The following SLC28A1 variants were observed in gnomAD, a reference collection of about 807,000 sequenced individuals.
SLC28A1 encodes the protein sodium/nucleoside cotransporter 1.
A neutral mutation model predicts 74.8 loss-of-function variants in SLC28A1; 64 were observed. The ratio of observed to expected loss-of-function variants is 0.86; its 90% CI spans 0.70 to 1.05. The LOEUF (loss-of-function observed/expected upper bound fraction) is 1.05, where lower values mean the gene tolerates loss of function less well. SLC28A1 is among the 50% of genes least tolerant of loss of function. The pLI, the probability that SLC28A1 is intolerant of heterozygous loss-of-function variation, is 0.00. For missense variants in SLC28A1, 828 were observed against 822.8 expected, an observed-to-expected ratio of 1.01 and a Z score of -0.08; for synonymous variants, 359 against 335.0, an observed-to-expected ratio of 1.07 and a Z score of -0.78.
chr15:84,908,841 A>C, intron 9 of SLC28A1, 46 bp downstream of exon 9: 1 of 1,495,170 alleles, frequency 6.7e-7, no homozygotes, highest in Non-Finnish European at 9.3e-7. Flanking sequence ...GCCACCGCCC[A>C]GCGACTCCAG....
In SLC28A1 at chr15:84,945,437, G is replaced by A; in HGVS notation, c.*237G>A. The A allele has an allele frequency of 1.8e-6, 1 of 542,644 alleles. No homozygotes were observed. The highest frequency in any genetic ancestry group is 3.4e-6 in the Non-Finnish European group (1 of 298,410). The allele number at this position is 542,644 out of a possible 1,614,324, so 33.6% of individuals were successfully genotyped here. On this transcript the variant is annotated 3_prime_UTR_variant, in exon 19 of 19. Transcript: ENST00000394573. ...GCTCCCCCATTTCCTAACTCCCCCA[G>A]TGTGAATTCTCAGGGTCACTTCTGC...
intron 9 of SLC28A1, 109 bp from the exon 10 acceptor site, chr15:84,918,415 G>A (rs780110777): frequency 4.4e-5 from 36 of 814,400 alleles, no homozygotes; most frequent in Non-Finnish European, 7.2e-5. Flanking sequence ...AGGCATCTGA[G>A]TGGCAAGGCC....
At chr15:84,912,806 G>GCACACACA (rs199525878) in intron 9 of SLC28A1, among the ~76,000 whole-genome samples, 2,626 of 112,184 alleles carry the variant, frequency 0.023, 38 homozygotes, top group African/African-American at 0.03. Flanking sequence ...TTGCGCGCGC[G>GCACACACA]CACACACACA....
chr15:84,928,518 G>GTTTTGTTC (rs749290216), intron 12 of SLC28A1, among the ~76,000 whole-genome samples: 4 of 34,064 alleles, frequency 1.2e-4, no homozygotes, highest in Admixed American at 6.3e-4. Flanking sequence ...CAAGCTCCCA[G>GTTTTGTTC]GTTCGTTCGT....
intron 5 of SLC28A1, among the ~76,000 whole-genome samples, 192 bp from the exon 6 acceptor site, chr15:84,894,748 C>A (rs1545471): frequency 0.35 from 53,052 of 152,116 alleles, 10,382 homozygotes; most frequent in East Asian, 0.7. Context: ...CTGCCAGTAC[C>A]TCCTAACTAC....
At chr15:84,918,221 G>T (rs1031717002) in intron 9 of SLC28A1, among the ~76,000 whole-genome samples, 1 of 152,158 alleles carries the variant, frequency 6.6e-6, no homozygotes, top group Non-Finnish European at 1.5e-5. Context: ...GGAGATAAAA[G>T]TGGTACACTC....
chr15:84,885,674 T>C (rs148101981), intron 1 of SLC28A1, among the ~76,000 whole-genome samples: 385 of 140,942 alleles, frequency 2.7e-3, no homozygotes, highest in Non-Finnish European at 4.1e-3. Flanking sequence ...GAGGTTGCAG[T>C]GAACCGAGCT....
At chr15:84,912,744 C>T (rs1329554123) in intron 9 of SLC28A1, among the ~76,000 whole-genome samples, 4 of 151,196 alleles carry the variant, frequency 2.6e-5, no homozygotes, top group South Asian at 2.1e-4. Context: ...CTGAGAGTTT[C>T]GGGATGTCTG....
chr15:84,958,724 T>TA, the SLC28A1 span, among the ~76,000 whole-genome samples: 1 of 152,134 alleles, frequency 6.6e-6, no homozygotes, highest in Non-Finnish European at 1.5e-5. Flanking sequence ...TGGTTAATTT[T>TA]AAAATTTCTT....
chr15:84,931,884 C>G (rs1313385779), intron 12 of SLC28A1, among the ~76,000 whole-genome samples: 1 of 151,808 alleles, frequency 6.6e-6, no homozygotes, highest in Non-Finnish European at 1.5e-5. Context: ...CACCTGTAAC[C>G]CCAGCTACTC....
chr15:84,895,859 A>C, intron 6 of SLC28A1: 2 of 1,071,070 alleles, frequency 1.9e-6, no homozygotes, highest in Non-Finnish European at 2.3e-6. Context: ...AAAGATACCC[A>C]AAGACTAAGT....
intron 6 of SLC28A1, chr15:84,895,490 T>G (rs374753108): frequency 6.2e-7 from 1 of 1,601,136 alleles, no homozygotes. Flanking sequence ...TTCAGCAGGC[T>G]CGATCGGGGT....
chr15:84,908,709 T>A lies in SLC28A1; in HGVS notation c.718-9T>A, dbSNP rs764255613. 8 of 1,612,576 alleles carry A rather than the reference T, an allele frequency of 5.0e-6. No homozygotes were observed. Among genetic ancestry groups the A allele is most frequent in the Non-Finnish European group, 6.8e-6 (8 of 1,179,620 alleles). On this transcript the variant is annotated splice_polypyrimidine_tract_variant and intron_variant, in intron 8 of 18. Transcript: ENST00000394573. Reference sequence around the variant, plus strand: ...GCCTGTTTTTGTTTGTTTTGCTTTTTTCTTTCAGATCTTCCTGAGCTACAC... The same window carrying A: ...GCCTGTTTTTGTTTGTTTTGCTTTTATCTTTCAGATCTTCCTGAGCTACAC...
chr15:84,905,055 C>A (rs925502716), intron 7 of SLC28A1, among the ~76,000 whole-genome samples: 2 of 152,220 alleles, frequency 1.3e-5, no homozygotes, highest in Non-Finnish European at 2.9e-5. Context: ...AGGAGCCCAG[C>A]TCTTGTCTGC....
chr15:84,908,594 C>CT (rs1555447795), intron 8 of SLC28A1, 124 bp from the exon 9 acceptor site: 8 of 779,106 alleles, frequency 1.0e-5, no homozygotes, highest in South Asian at 4.3e-5. Flanking sequence ...GGTGCCCCCC[C>CT]CCGGATAAGG....
At chr15:84,933,413 G>A in intron 13 of SLC28A1, 138 bp downstream of exon 13, 1 of 1,056,288 alleles carries the variant, frequency 9.5e-7, no homozygotes, top group Non-Finnish European at 1.4e-6. Flanking sequence ...CTCTGGTTTG[G>A]GCTTCATTTG....
chr15:84,917,170 A>C (rs912139433), intron 9 of SLC28A1, among the ~76,000 whole-genome samples: 1 of 152,200 alleles, frequency 6.6e-6, no homozygotes, highest in African/African-American at 2.4e-5. Flanking sequence ...TAATTTTAAT[A>C]TTCCAATTTT....
At chr15:84,928,591 T>TC (rs1567172488) in intron 12 of SLC28A1, among the ~76,000 whole-genome samples, 10 of 15,088 alleles carry the variant, frequency 6.6e-4, no homozygotes, top group Admixed American at 1.6e-3. Flanking sequence ...TCTTTCTTTC[T>TC]TTCTTTCTTT....
chr15:84,910,976 A>T (rs1968118239), intron 9 of SLC28A1, among the ~76,000 whole-genome samples: 1 of 152,216 alleles, frequency 6.6e-6, no homozygotes, highest in Non-Finnish European at 1.5e-5. Flanking sequence ...CAAAGCATGG[A>T]GGTGAGAATG....
Sources: allele counts gnomAD v4.1 joint callset (sites outside exome capture counted in the v4.1 genomes callset), GRCh38; gene constraint gnomAD v4.1.1; transcripts MANE v1.5; gene names NCBI Gene and HGNC (gene_info 2026-07-23, HGNC 2026-07-21).